The following PTPRD variants were observed in gnomAD, a reference collection of about 807,000 sequenced individuals.
The protein encoded by PTPRD is protein tyrosine phosphatase receptor type D, also known as receptor-type tyrosine-protein phosphatase delta.
In PTPRD, 34 loss-of-function variants were observed where a neutral mutation model predicts 214.5. That is an observed-to-expected ratio of 0.16 (90% confidence interval 0.12 to 0.21). The LOEUF (loss-of-function observed/expected upper bound fraction) is 0.21, where lower values mean the gene tolerates loss of function less well. PTPRD is among the 10% of genes least tolerant of loss of function. The pLI is 1.00. For synonymous variants in PTPRD, 1,128 were observed against 845.7 expected, an observed-to-expected ratio of 1.33 and a Z score of -5.79; for missense variants, 2,545 against 2,398.7, an observed-to-expected ratio of 1.06 and a Z score of -1.27.
chr9:9,576,542 C>T (rs535610318), intron 7 of PTPRD, among the ~76,000 whole-genome samples: 2 of 152,210 alleles, frequency 1.3e-5, no homozygotes, highest in African/African-American at 2.4e-5. Flanking sequence ...TTGAGATGCT[C>T]GTACTTTAAA....
chr9:9,976,926 G>C (rs1004803640), intron 4 of PTPRD, among the ~76,000 whole-genome samples: 1 of 151,994 alleles, frequency 6.6e-6, no homozygotes, highest in Non-Finnish European at 1.5e-5. Flanking sequence ...TTGGCAATAA[G>C]GATTAACTTT....
intron 7 of PTPRD, among the ~76,000 whole-genome samples, chr9:9,593,224 C>G (rs1055279784): frequency 6.6e-6 from 1 of 150,800 alleles, no homozygotes; most frequent in Non-Finnish European, 1.5e-5. Flanking sequence ...TTTTTCCCCC[C>G]CCTCAAAGAA....
At chr9:9,487,235 G>A (rs545168357) in intron 8 of PTPRD, among the ~76,000 whole-genome samples, 29 of 139,296 alleles carry the variant, frequency 2.1e-4, no homozygotes, top group East Asian at 1.2e-3. Flanking sequence ...AACAGTCCCC[G>A]GTGTGTGATG....
intron 12 of PTPRD, among the ~76,000 whole-genome samples, chr9:8,702,777 T>C (rs939534488): frequency 3.9e-5 from 6 of 152,158 alleles, no homozygotes; most frequent in Admixed American, 1.3e-4. Flanking sequence ...CCAGCGAATT[T>C]TTTGTATTTT....
intron 3 of PTPRD, among the ~76,000 whole-genome samples, chr9:10,195,019 G>A (rs2099391837): frequency 6.8e-6 from 1 of 147,022 alleles, no homozygotes; most frequent in Non-Finnish European, 1.5e-5. Flanking sequence ...TGTAACCTCT[G>A]CCTCCTGGGT....
intron 3 of PTPRD, among the ~76,000 whole-genome samples, chr9:10,226,432 G>C (rs1590264): frequency 0.39 from 59,948 of 151,776 alleles, 13,361 homozygotes; most frequent in Admixed American, 0.49. Flanking sequence ...CAGAGAAAAA[G>C]AGGCTGAGTA....
chr9:8,685,297 G>A (rs1394778326), intron 12 of PTPRD, among the ~76,000 whole-genome samples: 1 of 150,762 alleles, frequency 6.6e-6, no homozygotes, highest in Non-Finnish European at 1.5e-5. Context: ...CGTGAGAGTA[G>A]AGACAAAGCA....
intron 14 of PTPRD, among the ~76,000 whole-genome samples, chr9:8,612,450 T>C (rs1381207055): frequency 6.6e-6 from 1 of 152,168 alleles, no homozygotes; most frequent in African/African-American, 2.4e-5. Flanking sequence ...AAACTGTAGA[T>C]AGATCATTTG....
intron 10 of PTPRD, among the ~76,000 whole-genome samples, chr9:9,074,729 G>A (rs1456005933): frequency 6.6e-6 from 1 of 150,904 alleles, no homozygotes; most frequent in Non-Finnish European, 1.5e-5. Context: ...TTTTTCTGTA[G>A]AGTTGTTTGA....
At chr9:8,489,289 G>T (rs1262578352) in intron 27 of PTPRD, among the ~76,000 whole-genome samples, 1 of 152,120 alleles carries the variant, frequency 6.6e-6, no homozygotes, top group African/African-American at 2.4e-5. Context: ...TTCTTATCCT[G>T]GGACAGAAAG....
intron 11 of PTPRD, among the ~76,000 whole-genome samples, chr9:8,775,451 C>G (rs1372751605): frequency 6.6e-6 from 1 of 151,992 alleles, no homozygotes; most frequent in East Asian, 1.9e-4. Flanking sequence ...AGCCATATCC[C>G]TGGAAAGGCC....
intron 9 of PTPRD, among the ~76,000 whole-genome samples, chr9:9,193,070 C>T (rs747706000): frequency 1.3e-5 from 2 of 152,122 alleles, no homozygotes; most frequent in East Asian, 1.9e-4. Flanking sequence ...TATTTAAAGG[C>T]ATATGACCTG....
chr9:9,412,644 T>G (rs1036536483), intron 8 of PTPRD, among the ~76,000 whole-genome samples: 1 of 152,140 alleles, frequency 6.6e-6, no homozygotes, highest in Non-Finnish European at 1.5e-5. Context: ...TCATCCCAAA[T>G]TTGTCTTCAT....
At chr9:9,429,019 C>G (rs567752228) in intron 8 of PTPRD, among the ~76,000 whole-genome samples, 1 of 152,214 alleles carries the variant, frequency 6.6e-6, no homozygotes, top group South Asian at 2.1e-4. Context: ...CAAACACATT[C>G]AAAAGCTAGC....
intron 8 of PTPRD, among the ~76,000 whole-genome samples, chr9:9,411,119 G>A (rs191509176): frequency 1.3e-5 from 2 of 152,070 alleles, no homozygotes; most frequent in Admixed American, 1.3e-4. Context: ...GAACCACAAG[G>A]TGGGTTTCCA....
chr9:8,442,122 G>A (rs569751217), intron 34 of PTPRD, among the ~76,000 whole-genome samples: 1 of 152,090 alleles, frequency 6.6e-6, no homozygotes, highest in Non-Finnish European at 1.5e-5. Context: ...GTTATTTCTT[G>A]CCAAAATATC....
intron 39 of PTPRD, among the ~76,000 whole-genome samples, chr9:8,348,539 G>A (rs1266391639): frequency 2.0e-5 from 3 of 152,010 alleles, no homozygotes; most frequent in African/African-American, 7.2e-5. Flanking sequence ...CTGGTTTCTG[G>A]TCTTTTAATA....
rs560767381 is a variant in PTPRD at position 8,455,037 on chromosome 9, A to G, written c.3876-5200T>C. Among the ~76,000 whole-genome samples the G allele has an allele frequency of 7.2e-5, 11 of 152,338 alleles. No homozygotes were observed. In the South Asian group the frequency reaches 1.2e-3, roughly 17 times the overall value. ...GTTCATTTAAAATAAAAAGCCTTCA[A>G]TTAAGAGGTATGTCATTCCTTTCAT... On this transcript the variant is annotated intron_variant, in intron 33 of 45. Transcript: ENST00000381196.
chr9:8,581,119 T>C (rs1378340272), intron 14 of PTPRD, among the ~76,000 whole-genome samples: 1 of 152,112 alleles, frequency 6.6e-6, no homozygotes, highest in African/African-American at 2.4e-5. Context: ...GGGTGAGTTC[T>C]ACCTGGAAGC....
Sources: allele counts gnomAD v4.1 joint callset (sites outside exome capture counted in the v4.1 genomes callset), GRCh38; gene constraint gnomAD v4.1.1; transcripts MANE v1.5; gene names NCBI Gene and HGNC (gene_info 2026-07-23, HGNC 2026-07-21).